Variants in ZNF536 observed in about 807,000 individuals in gnomAD.
The protein encoded by ZNF536 is zinc finger protein 536.
A neutral mutation model predicts 84.5 loss-of-function variants in ZNF536; 13 were observed. The ratio of observed to expected loss-of-function variants is 0.15; its 90% CI spans 0.10 to 0.24. The LOEUF is 0.24. Among genes scored for constraint, ZNF536 ranks in the 10% least tolerant of loss-of-function variants. The pLI is 1.00. For missense variants in ZNF536, 1,536 were observed against 1,747.5 expected (o/e 0.88, Z 2.16); for synonymous variants, 811 against 742.5 (o/e 1.09, Z -1.50).
intron 1 of ZNF536, among the ~76,000 whole-genome samples, chr19:30,375,309 C>T (rs1295493257): frequency 6.6e-6 from 1 of 151,378 alleles, no homozygotes; most frequent in Non-Finnish European, 1.5e-5. Flanking sequence ...CTTCACCTTA[C>T]GGAGGGGAGA....
At chr19:30,622,451 T>G (rs2048516397) in intron 1 of ZNF536, among the ~76,000 whole-genome samples, 1 of 152,254 alleles carries the variant, frequency 6.6e-6, no homozygotes, top group Non-Finnish European at 1.5e-5. Flanking sequence ...CAGGGCCTCA[T>G]GCCCACCGGT....
intron 1 of ZNF536, among the ~76,000 whole-genome samples, chr19:30,406,600 C>A (rs948061942): frequency 9.2e-5 from 14 of 152,106 alleles, no homozygotes; most frequent in Non-Finnish European, 2.9e-5. Context: ...TGATTGGGGT[C>A]ATCTCCCAGC....
chr19:30,461,661 G>T (rs1338180156), intron 2 of ZNF536, among the ~76,000 whole-genome samples: 1 of 152,226 alleles, frequency 6.6e-6, no homozygotes, highest in African/African-American at 2.4e-5. Flanking sequence ...CAGGAGCATG[G>T]GCTGGCAGAC....
At chr19:30,399,740 T>C (rs935320328) in intron 1 of ZNF536, among the ~76,000 whole-genome samples, 1 of 144,490 alleles carries the variant, frequency 6.9e-6, no homozygotes, top group Admixed American at 7.5e-5. Context: ...CAGGCTGGAG[T>C]GCAGTGGTGT....
chr19:30,334,290 G>GGAGAAAGAT (rs1393092455), intron 2 of ZNF536, among the ~76,000 whole-genome samples: 3 of 152,166 alleles, frequency 2.0e-5, no homozygotes, highest in African/African-American at 7.2e-5. Flanking sequence ...GGGGATGGAT[G>GGAGAAAGAT]GAGAAAGATG....
chr19:30,288,257 T>C (rs2045718163), intron 2 of ZNF536, among the ~76,000 whole-genome samples: 1 of 152,210 alleles, frequency 6.6e-6, no homozygotes, highest in South Asian at 2.1e-4. Context: ...GTCCGTCTCC[T>C]GGGCAAACCT....
chr19:30,338,270 GA>G (rs1215392565), intron 2 of ZNF536, among the ~76,000 whole-genome samples: 1 of 151,810 alleles, frequency 6.6e-6, no homozygotes, highest in Admixed American at 6.6e-5. Flanking sequence ...GATGATTGAT[GA>G]TGATGGTGAT....
At chr19:30,627,984 G>A (rs545068098) in intron 1 of ZNF536, among the ~76,000 whole-genome samples, 47 of 152,264 alleles carry the variant, frequency 3.1e-4, no homozygotes, top group South Asian at 2.9e-3. Context: ...CCCAGAACCC[G>A]TGTCCCCCGT....
chr19:30,690,451 T>C (rs2051363238), intron 1 of ZNF536, among the ~76,000 whole-genome samples: 1 of 152,218 alleles, frequency 6.6e-6, no homozygotes, highest in South Asian at 2.1e-4. Flanking sequence ...CGAGTCTCTC[T>C]CTTTCTCTCT....
At chr19:30,330,985 G>A (rs1393294077) in intron 2 of ZNF536, among the ~76,000 whole-genome samples, 7 of 152,168 alleles carry the variant, frequency 4.6e-5, no homozygotes, top group African/African-American at 1.4e-4. Context: ...TCAGGCTCAA[G>A]TCATTGATAC....
At chr19:30,237,247 G>A (rs375808598) in intron 1 of ZNF536, among the ~76,000 whole-genome samples, 1 of 152,058 alleles carries the variant, frequency 6.6e-6, no homozygotes, top group Non-Finnish European at 1.5e-5. Flanking sequence ...AAAATAATTT[G>A]TTCATTGATC....
intron 1 of ZNF536, among the ~76,000 whole-genome samples, chr19:30,641,545 G>C (rs2049268325): frequency 1.3e-5 from 2 of 152,120 alleles, no homozygotes; most frequent in South Asian, 2.1e-4. Flanking sequence ...TGTTGAATAT[G>C]TCGACTGTTT....
chr19:30,385,773 C>T (rs1433589464), intron 1 of ZNF536, among the ~76,000 whole-genome samples: 1 of 152,208 alleles, frequency 6.6e-6, no homozygotes, highest in African/African-American at 2.4e-5. Context: ...GCAACTCCGC[C>T]TCCATCATGA....
intron 2 of ZNF536, among the ~76,000 whole-genome samples, chr19:30,459,522 T>C (rs890059202): frequency 1.3e-5 from 2 of 152,000 alleles, no homozygotes; most frequent in Non-Finnish European, 2.9e-5. Context: ...GGCTAATTTT[T>C]GTATTTTTAG....
intron 1 of ZNF536, among the ~76,000 whole-genome samples, chr19:30,650,602 A>C (rs1171804023): frequency 6.6e-6 from 1 of 152,300 alleles, no homozygotes; most frequent in East Asian, 1.9e-4. Context: ...CCACATTGTA[A>C]ATTGGCATCC....
At chr19:30,688,623 A>G (rs1347984532) in intron 1 of ZNF536, among the ~76,000 whole-genome samples, 2 of 152,240 alleles carry the variant, frequency 1.3e-5, no homozygotes, top group African/African-American at 2.4e-5. Flanking sequence ...GTAAAAAGCT[A>G]TATCAAAAGG....
chr19:30,421,984 A>G (rs2147856534), intron 1 of ZNF536, among the ~76,000 whole-genome samples: 1 of 152,352 alleles, frequency 6.6e-6, no homozygotes, highest in Non-Finnish European at 1.5e-5. Context: ...TTTTAAATGC[A>G]TTAAAGTAAA....
chr19:30,653,137 T>C (rs2049772657), intron 1 of ZNF536, among the ~76,000 whole-genome samples: 1 of 152,224 alleles, frequency 6.6e-6, no homozygotes, highest in African/African-American at 2.4e-5. Context: ...TCTTTTATCT[T>C]ACTTGTTTTT....
At chr19:30,427,359 G>A (rs1215454639) in intron 1 of ZNF536, among the ~76,000 whole-genome samples, 2 of 152,222 alleles carry the variant, frequency 1.3e-5, no homozygotes, top group South Asian at 4.1e-4. Context: ...GTAGGATGCA[G>A]CAGTGGCCCT....
Sources: allele counts gnomAD v4.1 joint callset (sites outside exome capture counted in the v4.1 genomes callset), GRCh38; gene constraint gnomAD v4.1.1; transcripts MANE v1.5; gene names NCBI Gene and HGNC (gene_info 2026-07-23, HGNC 2026-07-21).